GRIN2A: variants seen among roughly 807,000 people sequenced by gnomAD.
GRIN2A encodes the protein glutamate ionotropic receptor NMDA type subunit 2A.
A neutral mutation model predicts 113.4 loss-of-function variants in GRIN2A; 22 were observed. That is an observed-to-expected ratio of 0.19 (90% confidence interval 0.14 to 0.28). The LOEUF is 0.28. Among genes scored for constraint, GRIN2A ranks in the 10% least tolerant of loss-of-function variants. The pLI is 1.00. For missense variants in GRIN2A, 1,502 were observed against 1,887.0 expected, an observed-to-expected ratio of 0.80 and a Z score of 3.78; for synonymous variants, 827 against 738.4, an observed-to-expected ratio of 1.12 and a Z score of -1.94.
At chr16:9,813,683 G>C (rs1251956466) in intron 10 of GRIN2A, among the ~76,000 whole-genome samples, 1 of 146,930 alleles carries the variant, frequency 6.8e-6, no homozygotes, top group African/African-American at 2.5e-5. Flanking sequence ...ATAATTCCAA[G>C]AACCCCACCC....
chr16:10,051,680 G>C (rs62033410), intron 2 of GRIN2A, among the ~76,000 whole-genome samples: 26,204 of 152,198 alleles, frequency 0.17, 2,484 homozygotes, highest in Middle Eastern at 0.21. Context: ...TCCAGGGAGA[G>C]AGAACTGCAT....
intron 2 of GRIN2A, among the ~76,000 whole-genome samples, chr16:10,061,839 A>T (rs2047555617): frequency 1.3e-5 from 2 of 152,224 alleles, no homozygotes; most frequent in Admixed American, 1.3e-4. Context: ...CAAAAGTGGC[A>T]GAGGGGACAC....
chr16:9,757,800 AG>A lies in GRIN2A; in HGVS notation c.*5348del. 9.0e-6 allele frequency: 2 copies of A among 221,802 alleles called. No homozygotes were observed. The highest frequency in any genetic ancestry group is 1.2e-4 in the Admixed American group (2 of 17,388). The allele number at this position is 221,802 out of a possible 1,614,324, so 13.7% of individuals were successfully genotyped here. A position where few individuals can be genotyped will look rare whatever the true frequency, so the allele number is the denominator to read the frequency against. On this transcript the variant is annotated 3_prime_UTR_variant, in exon 13 of 13. Transcript: ENST00000330684. Reference sequence around the variant, plus strand: ...TTTTCTCTTCTAGGAACTTTAAGACAGGGATTGTGAGGGAGTTTAAAGGAAA... The same window carrying A: ...TTTTCTCTTCTAGGAACTTTAAGACAGGATTGTGAGGGAGTTTAAAGGAAA...
At chr16:10,161,733 G>C (rs912049874) in intron 2 of GRIN2A, among the ~76,000 whole-genome samples, 1 of 152,156 alleles carries the variant, frequency 6.6e-6, no homozygotes, top group Non-Finnish European at 1.5e-5. Context: ...TGGCAGGGTG[G>C]CATTCCTTCC....
chr16:9,850,003 CGCT>C, intron 4 of GRIN2A, 42 bp from the exon 5 acceptor site: 1 of 1,551,858 alleles, frequency 6.4e-7, no homozygotes, highest in Non-Finnish European at 8.9e-7. Flanking sequence ...TTTCTTCCGC[CGCT>C]GATTTCTGGA....
chr16:9,865,750 AC>A (rs1246788282), intron 4 of GRIN2A, among the ~76,000 whole-genome samples: 7 of 152,176 alleles, frequency 4.6e-5, no homozygotes, highest in African/African-American at 1.7e-4. Context: ...CAGTGAATAG[AC>A]CCTAAACCTG....
At chr16:9,820,923 T>C (rs1169611344) in intron 10 of GRIN2A, among the ~76,000 whole-genome samples, 2 of 152,198 alleles carry the variant, frequency 1.3e-5, no homozygotes, top group Non-Finnish European at 2.9e-5. Flanking sequence ...AATCATAGAC[T>C]TAACTTCTGA....
intron 2 of GRIN2A, among the ~76,000 whole-genome samples, chr16:10,004,000 G>C (rs575529050): frequency 6.6e-6 from 1 of 152,204 alleles, no homozygotes; most frequent in South Asian, 2.1e-4. Context: ...TTACTGTCCT[G>C]GTTCCCTGTG....
intron 9 of GRIN2A, among the ~76,000 whole-genome samples, chr16:9,828,062 C>A (rs1037538342): frequency 3.9e-5 from 6 of 152,136 alleles, no homozygotes; most frequent in Non-Finnish European, 7.4e-5. Context: ...GAAAGACTTC[C>A]CTGAGGAGGT....
At chr16:10,019,591 G>A (rs544868730) in intron 2 of GRIN2A, among the ~76,000 whole-genome samples, 19 of 152,262 alleles carry the variant, frequency 1.2e-4, no homozygotes, top group East Asian at 7.7e-4. Context: ...GCTAGAAAAC[G>A]GTATGCCCTC....
intron 10 of GRIN2A, among the ~76,000 whole-genome samples, chr16:9,806,515 T>G (rs143932152): frequency 2.6e-5 from 4 of 151,956 alleles, no homozygotes; most frequent in Admixed American, 1.3e-4. Flanking sequence ...AAATCCTGAG[T>G]GATTTTGTAA....
At chr16:9,977,630 C>G (rs1356765537) in intron 2 of GRIN2A, among the ~76,000 whole-genome samples, 1 of 152,074 alleles carries the variant, frequency 6.6e-6, no homozygotes, top group South Asian at 2.1e-4. Context: ...CCACAGCACA[C>G]GTTCAGGCAG....
chr16:10,041,691 T>C (rs1596455284), intron 2 of GRIN2A, among the ~76,000 whole-genome samples: 1 of 152,188 alleles, frequency 6.6e-6, no homozygotes, highest in African/African-American at 2.4e-5. Context: ...CAGTGTCTGG[T>C]ACAGACTAGG....
chr16:9,948,498 T>C (rs1016407884), intron 2 of GRIN2A, among the ~76,000 whole-genome samples: 1 of 152,218 alleles, frequency 6.6e-6, no homozygotes, highest in Non-Finnish European at 1.5e-5. Context: ...GTGATGGTTC[T>C]GACCCAGGGG....
chr16:9,895,872 C>T (rs1047466275), intron 3 of GRIN2A, among the ~76,000 whole-genome samples: 3 of 152,076 alleles, frequency 2.0e-5, no homozygotes, highest in African/African-American at 7.2e-5. Flanking sequence ...GTCTACCTAG[C>T]GCCCCAAATG....
chr16:10,101,486 T>C (rs998569684), intron 2 of GRIN2A, among the ~76,000 whole-genome samples: 3 of 152,228 alleles, frequency 2.0e-5, no homozygotes, highest in Admixed American at 6.5e-5. Context: ...TGGCTCAAAC[T>C]GCCAGGAAGC....
intron 2 of GRIN2A, among the ~76,000 whole-genome samples, chr16:9,973,048 A>T (rs2045705568): frequency 6.6e-6 from 1 of 152,216 alleles, no homozygotes; most frequent in Admixed American, 6.5e-5. Context: ...GGTGGGGGCC[A>T]CAAGGCCAGA....
intron 2 of GRIN2A, among the ~76,000 whole-genome samples, chr16:10,071,521 T>G (rs2047750316): frequency 6.6e-6 from 1 of 152,200 alleles, no homozygotes; most frequent in African/African-American, 2.4e-5. Flanking sequence ...TGAGAAAAAC[T>G]TCAAGTGCAT....
Position 10,058,613 on chromosome 16 carries a change from T to G in GRIN2A, c.415-120062A>C, listed in dbSNP as rs1192419979. On this transcript the variant is annotated intron_variant, in intron 2 of 12. Coordinates refer to ENST00000330684, the MANE Select transcript of GRIN2A (RefSeq NM_001134407.3). ...ATTCAAAATGAAAAGAATGAAAACT[T>G]TTGTTAGAGGTAAGTAAAAATAAGC... 2.0e-5 allele frequency among the ~76,000 whole-genome samples: 3 copies of G among 152,254 alleles called. No homozygotes were observed. The East Asian group carries it at 5.8e-4, about 29-fold the overall frequency.
Sources: gnomAD v4.1 joint callset for allele counts (sites outside exome capture counted in the v4.1 genomes callset) on GRCh38, gnomAD v4.1.1 for gene constraint, MANE v1.5 for transcripts, NCBI Gene and HGNC (gene_info 2026-07-23, HGNC 2026-07-21) for gene names.